The following ATG7 variants were observed in gnomAD, a reference collection of about 807,000 sequenced individuals.
ATG7 encodes ubiquitin-like modifier-activating enzyme ATG7.
ATG7 carries 70 observed loss-of-function variants against 82.4 expected under a neutral mutation model. The ratio of observed to expected loss-of-function variants is 0.85; its 90% CI spans 0.70 to 1.04. The LOEUF (loss-of-function observed/expected upper bound fraction) is 1.04. ATG7 is among the 50% of genes least tolerant of loss of function. The pLI, the probability that ATG7 is intolerant of heterozygous loss-of-function variation, is 0.00. For synonymous variants in ATG7, 287 were observed against 313.0 expected, an observed-to-expected ratio of 0.92 and a Z score of 0.88; for missense variants, 792 against 864.3, an observed-to-expected ratio of 0.92 and a Z score of 1.05.
chr3:11,426,321 A>G (rs886834924), intron 19 of ATG7, among the ~76,000 whole-genome samples: 8 of 151,988 alleles, frequency 5.3e-5, no homozygotes, highest in African/African-American at 1.7e-4. Context: ...GGCTCTTTGG[A>G]TATCCTCTTT....
intron 20 of ATG7, among the ~76,000 whole-genome samples, chr3:11,486,140 C>G (rs1297762165): frequency 2.0e-5 from 3 of 152,104 alleles, no homozygotes; most frequent in Non-Finnish European, 2.9e-5. Context: ...GGCAGTATGG[C>G]CATTTTCATG....
chr3:11,462,444 G>A (rs2086401440), intron 20 of ATG7, among the ~76,000 whole-genome samples: 1 of 152,100 alleles, frequency 6.6e-6, no homozygotes, highest in African/African-American at 2.4e-5. Context: ...AGGAGCAAGG[G>A]GAAAGCATTA....
At chr3:11,278,006 C>T (rs1202873479) in intron 1 of ATG7, among the ~76,000 whole-genome samples, 1 of 149,724 alleles carries the variant, frequency 6.7e-6, no homozygotes. Context: ...TTTATAGGCT[C>T]TCTGCAAGAA....
intron 20 of ATG7, among the ~76,000 whole-genome samples, chr3:11,450,262 T>C (rs1323603365): frequency 6.6e-6 from 1 of 152,244 alleles, no homozygotes; most frequent in Non-Finnish European, 1.5e-5. Flanking sequence ...GCCTGTGTTC[T>C]TAACTACTAC....
At chr3:11,462,624 G>A (rs2086426765) in intron 20 of ATG7, among the ~76,000 whole-genome samples, 1 of 152,100 alleles carries the variant, frequency 6.6e-6, no homozygotes, top group South Asian at 2.1e-4. Context: ...GCCTCTTCGG[G>A]TGTTGGGCCA....
chr3:11,327,751 A>G (rs1951080143), intron 9 of ATG7, among the ~76,000 whole-genome samples: 1 of 152,220 alleles, frequency 6.6e-6, no homozygotes, highest in African/African-American at 2.4e-5. Context: ...AGCATCTTCA[A>G]GTTTGAGATC....
chr3:11,439,347 G>A (rs1014877449), intron 20 of ATG7, among the ~76,000 whole-genome samples: 1 of 152,148 alleles, frequency 6.6e-6, no homozygotes, highest in Non-Finnish European at 1.5e-5. Flanking sequence ...GGGATTACAG[G>A]TGTGAGCCAC....
At chr3:11,529,055 A>G (rs1443349687) in intron 20 of ATG7, among the ~76,000 whole-genome samples, 5 of 151,974 alleles carry the variant, frequency 3.3e-5, no homozygotes, top group Admixed American at 3.3e-4. Flanking sequence ...TATGGAAGGC[A>G]CTGTGGAAAA....
At chr3:11,427,396 C>T (rs546647508) in intron 20 of ATG7, among the ~76,000 whole-genome samples, 1 of 152,190 alleles carries the variant, frequency 6.6e-6, no homozygotes, top group East Asian at 1.9e-4. Flanking sequence ...TGAACCCCAC[C>T]ATGAAATGGC....
At chr3:11,358,865 A>C (rs1323185419) in intron 15 of ATG7, among the ~76,000 whole-genome samples, 1 of 152,250 alleles carries the variant, frequency 6.6e-6, no homozygotes, top group Non-Finnish European at 1.5e-5. Flanking sequence ...CTGTACTTAC[A>C]TTAAAACGTA....
chr3:11,543,501 G>T (rs1169895215), intron 20 of ATG7, among the ~76,000 whole-genome samples: 1 of 152,250 alleles, frequency 6.6e-6, no homozygotes, highest in African/African-American at 2.4e-5. Context: ...TAATTCCTCT[G>T]CCAAGTCTGG....
chr3:11,483,470 G>A (rs1479487683), intron 20 of ATG7, among the ~76,000 whole-genome samples: 1 of 152,126 alleles, frequency 6.6e-6, no homozygotes, highest in Non-Finnish European at 1.5e-5. Flanking sequence ...AGTTTTCTTG[G>A]GGGTAGGGAA....
At chr3:11,520,832 G>T (rs562515729) in intron 20 of ATG7, among the ~76,000 whole-genome samples, 2 of 152,168 alleles carry the variant, frequency 1.3e-5, no homozygotes, top group Non-Finnish European at 2.9e-5. Context: ...TCAGCATTTA[G>T]TAGGAGCCAC....
intron 2 of ATG7, among the ~76,000 whole-genome samples, chr3:11,281,799 GAAAC>G (rs1943105082): frequency 6.7e-6 from 1 of 148,302 alleles, no homozygotes; most frequent in African/African-American, 2.5e-5. Flanking sequence ...AAAGAGAAAA[GAAAC>G]AAAGAAAAAT....
rs540335957 is a variant in ATG7, at chr3:11,486,354, A to G, written c.2079+59428A>G. On this transcript the variant is annotated intron_variant, in intron 20 of 20. Coordinates refer to ENST00000693202, the MANE Select transcript of ATG7 (RefSeq NM_001349232.2). Reference sequence around the variant, plus strand: ...TTGGCTGTTTGTCTGTTATTGCTGTATAAGAATGCTTGTGATTTTTGCACA... The same window carrying G: ...TTGGCTGTTTGTCTGTTATTGCTGTGTAAGAATGCTTGTGATTTTTGCACA... 3.3e-5 allele frequency among the ~76,000 whole-genome samples: 5 copies of G among 152,350 alleles called. No homozygotes were observed. In the South Asian group the frequency reaches 6.2e-4, roughly 19 times the overall value.
At position 11,308,913 on chromosome 3, in the gene ATG7, A is replaced by G; in HGVS notation, c.334-71A>G. The G allele has an allele frequency of 2.8e-6, 4 of 1,408,968 alleles. No homozygotes were observed. The South Asian group carries it at 3.5e-5, about 12-fold the overall frequency. 87.3% of individuals were successfully genotyped at this position (1,408,968 alleles called of 1,614,324 possible). On this transcript the variant is annotated intron_variant, in intron 6 of 20. Coordinates refer to ENST00000693202, the MANE Select transcript of ATG7 (RefSeq NM_001349232.2). ...GAAGAGCCTGGTGCTTTTCAGCTCC[A>G]CACTTCACCTGAGAGTGAGAAACTC...
chr3:11,436,138 C>T (rs551567849), intron 20 of ATG7, among the ~76,000 whole-genome samples: 64 of 152,170 alleles, frequency 4.2e-4, no homozygotes, highest in African/African-American at 1.5e-3. Flanking sequence ...ATACAGAACT[C>T]AATTAAAAAT....
At chr3:11,469,563 T>C (rs990611270) in intron 20 of ATG7, among the ~76,000 whole-genome samples, 3 of 152,192 alleles carry the variant, frequency 2.0e-5, no homozygotes, top group Admixed American at 1.3e-4. Context: ...GGAGTGATGA[T>C]ACACTTGGCC....
intron 20 of ATG7, among the ~76,000 whole-genome samples, chr3:11,543,434 C>G (rs556197370): frequency 6.6e-6 from 1 of 152,332 alleles, no homozygotes; most frequent in African/African-American, 2.4e-5. Flanking sequence ...CCTCAGCTGC[C>G]TGTGTCTGGA....
Sources: gnomAD v4.1 joint callset for allele counts (sites outside exome capture counted in the v4.1 genomes callset) on GRCh38, gnomAD v4.1.1 for gene constraint, MANE v1.5 for transcripts, NCBI Gene and HGNC (gene_info 2026-07-23, HGNC 2026-07-21) for gene names.